Variants in PI4KA observed in about 807,000 individuals in gnomAD.
PI4KA encodes the protein phosphatidylinositol 4-kinase alpha.
PI4KA carries 122 observed loss-of-function variants against 271.4 expected under a neutral mutation model. That is an observed-to-expected ratio of 0.45 (90% confidence interval 0.39 to 0.52). The LOEUF is 0.52. Ranked by LOEUF, PI4KA falls within the 20% of genes least tolerant of loss-of-function variation. The pLI is 0.00. For missense variants in PI4KA, 1,969 were observed against 2,769.1 expected (o/e 0.71, Z 6.48); for synonymous variants, 1,041 against 1,078.8 (o/e 0.96, Z 0.69).
Position 20,753,191 on chromosome 22 carries a change from A to G in PI4KA, c.2792-11T>C, listed in dbSNP as rs1775482537. 1.2e-6 allele frequency: 2 copies of G among 1,610,938 alleles called. No homozygotes were observed. Among genetic ancestry groups the G allele is most frequent in the South Asian group, 2.2e-5 (2 of 90,968 alleles). On this transcript the variant is annotated splice_polypyrimidine_tract_variant and intron_variant, in intron 23 of 54. Transcript: ENST00000255882. ...CACACTGCATCATCCCTGAAACGAGAAGGTTTCCATGGATAAGGTGCAGCA... is the reference window on the plus strand; with the variant it reads ...CACACTGCATCATCCCTGAAACGAGGAGGTTTCCATGGATAAGGTGCAGCA...
chr22:20,802,114 A>G lies in PI4KA; in HGVS notation c.1592-9T>C. On this transcript the variant is annotated splice_polypyrimidine_tract_variant and intron_variant, in intron 13 of 54. Transcript: ENST00000255882. The stretch of plus-strand genomic sequence containing the variant: ...TATATCATTGCCAGCAACTGAAAGT[A>G]AAAAATTCAAATATATACCTAGTTA... 6.2e-7 allele frequency: 1 copy of G among 1,613,070 alleles called. No individual in the cohort carries two copies. Among genetic ancestry groups the G allele is most frequent in the Non-Finnish European group, 8.5e-7 (1 of 1,179,412 alleles).
chr22:20,707,960 G>T lies in PI4KA; in HGVS notation c.*87C>A, dbSNP rs1219894512. Reference sequence around the variant, plus strand: ...CACAGGCCTCTCCTCCACTGCATGTGGCGGCAGGGCAGGGAGGTCGCAGGG... The same window carrying T: ...CACAGGCCTCTCCTCCACTGCATGTTGCGGCAGGGCAGGGAGGTCGCAGGG... On this transcript the variant is annotated 3_prime_UTR_variant, in exon 55 of 55. Transcript: ENST00000255882. 24 of 1,159,944 alleles carry T rather than the reference G, an allele frequency of 2.1e-5. No individual in the cohort carries two copies. Among genetic ancestry groups the T allele is most frequent in the Non-Finnish European group, 2.9e-5 (22 of 766,610 alleles). 71.9% of individuals were successfully genotyped at this position (1,159,944 alleles called of 1,614,324 possible). A position where few individuals can be genotyped will look rare whatever the true frequency, so the allele number is the denominator to read the frequency against.
intron 7 of PI4KA, among the ~76,000 whole-genome samples, chr22:20,815,556 G>T (rs1007381480): frequency 6.6e-6 from 1 of 152,176 alleles, no homozygotes; most frequent in Non-Finnish European, 1.5e-5. Flanking sequence ...TTTAGCTCCA[G>T]TTGTGTCAAA....
At chr22:20,841,714 T>C (rs923358116) in intron 1 of PI4KA, among the ~76,000 whole-genome samples, 6 of 152,196 alleles carry the variant, frequency 3.9e-5, no homozygotes, top group Admixed American at 3.9e-4. Context: ...CAGATCTAAT[T>C]AAATTAAGAA....
intron 35 of PI4KA, 59 bp downstream of exon 35, chr22:20,733,677 G>A (rs1928339737): frequency 1.2e-6 from 2 of 1,613,492 alleles, no homozygotes; most frequent in African/African-American, 1.3e-5. Flanking sequence ...TGGGGCGATG[G>A]AGCACTTGGA....
chr22:20,850,122 A>G (rs775674428), intron 1 of PI4KA, among the ~76,000 whole-genome samples: 19 of 152,212 alleles, frequency 1.2e-4, no homozygotes, highest in Non-Finnish European at 2.6e-4. Flanking sequence ...ATTTTGTGGT[A>G]TGTGAATTAT....
chr22:20,781,663 T>A (rs1411459974), intron 19 of PI4KA, among the ~76,000 whole-genome samples: 1 of 152,250 alleles, frequency 6.6e-6, no homozygotes, highest in Non-Finnish European at 1.5e-5. Flanking sequence ...GCTGGCCTCC[T>A]GTGGGTGGAA....
At chr22:20,745,606 AT>A (rs1282063745) in intron 29 of PI4KA, among the ~76,000 whole-genome samples, 1 of 152,190 alleles carries the variant, frequency 6.6e-6, no homozygotes, top group African/African-American at 2.4e-5. Context: ...AAACTGGTTT[AT>A]TTAAAAAAAT....
intron 1 of PI4KA, among the ~76,000 whole-genome samples, chr22:20,849,839 G>T (rs182220867): frequency 6.6e-6 from 1 of 152,200 alleles, no homozygotes; most frequent in African/African-American, 2.4e-5. Flanking sequence ...GGGCTCCAGA[G>T]CGAAACTCTG....
chr22:20,841,757 G>A (rs892811131), intron 1 of PI4KA, among the ~76,000 whole-genome samples: 2 of 152,164 alleles, frequency 1.3e-5, no homozygotes, highest in African/African-American at 4.8e-5. Context: ...GGATTATTTA[G>A]ATAGGCCCAG....
intron 1 of PI4KA, among the ~76,000 whole-genome samples, chr22:20,850,237 C>CAAA (rs1926788446): frequency 2.6e-5 from 4 of 151,976 alleles, no homozygotes; most frequent in Admixed American, 2.0e-4. Context: ...AGTAACACAA[C>CAAA]AAAAATCTAA....
chr22:20,858,556 C>T lies in PI4KA; in HGVS notation c.156+14G>A, dbSNP rs760922035. On this transcript the variant is annotated intron_variant, in intron 1 of 54. Transcript: ENST00000255882. ...CTCCTCCTGTCAGCCCGCGGCCCAG[C>T]CCGCCGACGTTACCTTCTCCAAGGA... The T allele has an allele frequency of 1.3e-5, 18 of 1,369,116 alleles. 2 individuals are homozygous for T. In the South Asian group the frequency reaches 2.5e-4, roughly 19 times the overall value. 84.8% of individuals were successfully genotyped at this position (1,369,116 alleles called of 1,614,324 possible).
intron 1 of PI4KA, among the ~76,000 whole-genome samples, chr22:20,853,594 G>C (rs1256532864): frequency 2.0e-5 from 3 of 152,204 alleles, no homozygotes; most frequent in African/African-American, 7.2e-5. Flanking sequence ...TTGGTTCAAA[G>C]GGCTTCACAG....
chr22:20,711,465 T>C lies in PI4KA; in HGVS notation c.5803-4A>G. The C allele has an allele frequency of 7.2e-7, 1 of 1,382,866 alleles. No homozygotes were observed. The highest frequency in any genetic ancestry group is 1.0e-6 in the Non-Finnish European group (1 of 995,940). The allele number at this position is 1,382,866 out of a possible 1,614,324, so 85.7% of individuals were successfully genotyped here. A position where few individuals can be genotyped will look rare whatever the true frequency, so the allele number is the denominator to read the frequency against. On this transcript the variant is annotated splice_polypyrimidine_tract_variant and splice_region_variant and intron_variant, in intron 50 of 54. Transcript: ENST00000255882. ...TTCGGATGAAGTTGTAGCGGGCCTG[T>C]GCAGAGAGCGCCCTGGGCTCAAAAA... is the stretch of plus-strand genomic sequence containing the variant.
intron 32 of PI4KA, among the ~76,000 whole-genome samples, chr22:20,740,628 C>A (rs905076462): frequency 5.9e-5 from 9 of 152,178 alleles, no homozygotes; most frequent in African/African-American, 2.2e-4. Context: ...GGAGAAACAT[C>A]CAACAAGTAG....
At chr22:20,737,037 G>A (rs1361344859) in intron 32 of PI4KA, among the ~76,000 whole-genome samples, 2 of 152,230 alleles carry the variant, frequency 1.3e-5, no homozygotes, top group Admixed American at 6.5e-5. Context: ...AGCTGTGGTT[G>A]GACCCATTAG....
chr22:20,843,227 C>T (rs983157065), intron 1 of PI4KA, among the ~76,000 whole-genome samples: 1 of 152,012 alleles, frequency 6.6e-6, no homozygotes, highest in African/African-American at 2.4e-5. Context: ...CATGGGCTTA[C>T]GCTTGTAATC....
At chr22:20,832,903 G>A (rs1924377953) in intron 3 of PI4KA, among the ~76,000 whole-genome samples, 1 of 152,060 alleles carries the variant, frequency 6.6e-6, no homozygotes, top group African/African-American at 2.4e-5. Context: ...CTGTCATTTT[G>A]GCTTGGTTAA....
intron 7 of PI4KA, among the ~76,000 whole-genome samples, chr22:20,817,503 AG>A (rs1921962513): frequency 6.6e-6 from 1 of 151,882 alleles, no homozygotes; most frequent in South Asian, 2.1e-4. Flanking sequence ...TGAGAGACCA[AG>A]GCAGGCGTTC....
Sources: gnomAD v4.1 joint callset for allele counts (sites outside exome capture counted in the v4.1 genomes callset) on GRCh38, gnomAD v4.1.1 for gene constraint, MANE v1.5 for transcripts, NCBI Gene and HGNC (gene_info 2026-07-23, HGNC 2026-07-21) for gene names.